Variants in OXR1 observed in about 807,000 individuals in gnomAD.
OXR1 encodes oxidation resistance protein 1.
Under a neutral mutation model 104.6 loss-of-function variants are expected in OXR1, and 41 were observed. The observed-to-expected ratio is 0.39, with a 90% CI of 0.31 to 0.51. The LOEUF (loss-of-function observed/expected upper bound fraction) is 0.51, where lower values mean the gene tolerates loss of function less well. Ranked by LOEUF, OXR1 falls within the 20% of genes least tolerant of loss-of-function variation. The pLI is 0.77. For synonymous variants in OXR1, 348 were observed against 348.4 expected, an observed-to-expected ratio of 1.00 and a Z score of 0.01; for missense variants, 955 against 1,031.9, an observed-to-expected ratio of 0.93 and a Z score of 1.02.
rs760744812 is a variant in OXR1, at chr8:106,716,630, CAAAAAAAAAAAAAA to C, written c.1956+2663_1956+2676del. Among the ~76,000 whole-genome samples, 6 of 71,474 alleles carry C rather than the reference CAAAAAAAAAAAAAA, an allele frequency of 8.4e-5. 1 individual carries two copies. In the South Asian group the frequency reaches 3.6e-3, roughly 42 times the overall value. 46.9% of individuals were successfully genotyped at this position (71,474 alleles called of 152,430 possible). ...TGGGCGACAGAGCGAGACTCCGTCT[CAAAAAAAAAAAAAA>C]AAAAAAAAAAAAAAAAATACACACT... On this transcript the variant is annotated intron_variant, in intron 11 of 16. Coordinates refer to ENST00000517566, the MANE Select transcript of OXR1 (RefSeq NM_001198533.2).
At chr8:106,537,783 G>C (rs1814655291) in intron 3 of OXR1, among the ~76,000 whole-genome samples, 1 of 152,104 alleles carries the variant, frequency 6.6e-6, no homozygotes, top group South Asian at 2.1e-4. Flanking sequence ...ACTTGACGTA[G>C]ATAGGTTCAG....
intron 8 of OXR1, among the ~76,000 whole-genome samples, chr8:106,705,176 A>G (rs969860840): frequency 4.6e-5 from 7 of 152,176 alleles, no homozygotes; most frequent in African/African-American, 1.7e-4. Flanking sequence ...CTAATTCTTT[A>G]AATGTACAGA....
At chr8:106,483,601 G>T (rs558355365) in intron 2 of OXR1, among the ~76,000 whole-genome samples, 1 of 152,014 alleles carries the variant, frequency 6.6e-6, no homozygotes, top group East Asian at 1.9e-4. Context: ...TTATTAGTTT[G>T]CATATGGTCC....
At chr8:106,672,918 C>T (rs1827194345) in intron 3 of OXR1, among the ~76,000 whole-genome samples, 1 of 152,172 alleles carries the variant, frequency 6.6e-6, no homozygotes, top group Admixed American at 6.5e-5. Context: ...TCCACCCATG[C>T]AGAACTGTGA....
At chr8:106,617,340 T>G (rs1821325901) in intron 3 of OXR1, among the ~76,000 whole-genome samples, 1 of 152,134 alleles carries the variant, frequency 6.6e-6, no homozygotes, top group African/African-American at 2.4e-5. Flanking sequence ...GGAGAATGGC[T>G]TCAACCTGGG....
chr8:106,471,798 C>T (rs1193707652), intron 2 of OXR1, among the ~76,000 whole-genome samples: 1 of 151,548 alleles, frequency 6.6e-6, no homozygotes, highest in Non-Finnish European at 1.5e-5. Context: ...ACGCTACGTG[C>T]TTTTTTTTGG....
intron 2 of OXR1, among the ~76,000 whole-genome samples, chr8:106,460,746 T>C (rs1018719763): frequency 6.6e-6 from 1 of 152,156 alleles, no homozygotes; most frequent in Non-Finnish European, 1.5e-5. Context: ...GCAAAATCGT[T>C]CCCTGTACTG....
chr8:106,346,294 T>C (rs1204089293), intron 1 of OXR1, among the ~76,000 whole-genome samples: 2 of 152,180 alleles, frequency 1.3e-5, no homozygotes, highest in Non-Finnish European at 2.9e-5. Context: ...GTGGAGGCGA[T>C]AGTAAACTAA....
Position 106,521,615 on chromosome 8 carries a change from C to T in OXR1, c.220+2476C>T, listed in dbSNP as rs534765722. ...GCAACCTCCACCTCCAGGGTTCAAG[C>T]GATTCTCCTGCCTCAGCCTCCCGAG... On this transcript the variant is annotated intron_variant, in intron 3 of 16. Coordinates refer to ENST00000517566, the MANE Select transcript of OXR1 (RefSeq NM_001198533.2). Among the ~76,000 whole-genome samples the T allele has an allele frequency of 1.5e-3, 233 of 152,196 alleles. 1 individual carries two copies. The highest frequency in any genetic ancestry group is 2.1e-3 in the Non-Finnish European group (142 of 67,990).
intron 3 of OXR1, among the ~76,000 whole-genome samples, chr8:106,531,669 C>A (rs1410812436): frequency 6.6e-6 from 1 of 152,020 alleles, no homozygotes; most frequent in Non-Finnish European, 1.5e-5. Flanking sequence ...TAGATAGATT[C>A]CGTTTTGAAG....
chr8:106,461,976 C>G (rs1027039894), intron 2 of OXR1, among the ~76,000 whole-genome samples: 6 of 152,130 alleles, frequency 3.9e-5, no homozygotes, highest in African/African-American at 1.4e-4. Flanking sequence ...TTTAAAGGGA[C>G]TTGGATTACT....
intron 2 of OXR1, among the ~76,000 whole-genome samples, chr8:106,475,421 A>G (rs538294432): frequency 1.3e-5 from 2 of 151,938 alleles, no homozygotes; most frequent in Admixed American, 1.3e-4. Context: ...GAGGAGGAGG[A>G]GGAAGAGGTG....
At chr8:106,420,561 G>T (rs968093206) in intron 2 of OXR1, among the ~76,000 whole-genome samples, 11 of 151,492 alleles carry the variant, frequency 7.3e-5, no homozygotes, top group Non-Finnish European at 1.5e-4. Context: ...TTTGTCTGCT[G>T]GCATTTCTTG....
intron 11 of OXR1, among the ~76,000 whole-genome samples, chr8:106,728,857 T>A (rs1004283198): frequency 3.9e-5 from 6 of 152,198 alleles, no homozygotes; most frequent in African/African-American, 1.4e-4. Context: ...TTCATTGCCT[T>A]TATCAGTAGT....
At chr8:106,603,691 G>C (rs1820141033) in intron 3 of OXR1, among the ~76,000 whole-genome samples, 1 of 152,136 alleles carries the variant, frequency 6.6e-6, no homozygotes, top group African/African-American at 2.4e-5. Flanking sequence ...GGTTTGAATA[G>C]AGCTTTAAAT....
intron 2 of OXR1, among the ~76,000 whole-genome samples, chr8:106,511,228 A>C (rs963361177): frequency 6.6e-6 from 1 of 152,180 alleles, no homozygotes; most frequent in Non-Finnish European, 1.5e-5. Flanking sequence ...AGGGGTAACA[A>C]AAACCCTTAA....
intron 3 of OXR1, among the ~76,000 whole-genome samples, chr8:106,565,443 G>A (rs914476576): frequency 1.4e-4 from 22 of 152,162 alleles, no homozygotes; most frequent in African/African-American, 5.3e-4. Context: ...CCTCTTCAAG[G>A]AGAACTACAA....
chr8:106,607,209 G>C (rs1403827191), intron 3 of OXR1, among the ~76,000 whole-genome samples: 1 of 152,180 alleles, frequency 6.6e-6, no homozygotes, highest in Non-Finnish European at 1.5e-5. Context: ...CTCAGAAGCG[G>C]AACTTGAATG....
intron 1 of OXR1, among the ~76,000 whole-genome samples, chr8:106,342,731 C>T (rs1815308584): frequency 6.6e-6 from 1 of 152,150 alleles, no homozygotes; most frequent in African/African-American, 2.4e-5. Flanking sequence ...TGGTGTCACA[C>T]TGGTAGATTG....
Sources: allele counts gnomAD v4.1 joint callset (sites outside exome capture counted in the v4.1 genomes callset), GRCh38; gene constraint gnomAD v4.1.1; transcripts MANE v1.5; gene names NCBI Gene and HGNC (gene_info 2026-07-23, HGNC 2026-07-21).